The following TBCEL variants were observed in gnomAD, a reference collection of about 807,000 sequenced individuals.
The protein encoded by TBCEL is tubulin-specific chaperone cofactor E-like protein.
TBCEL carries 15 observed loss-of-function variants against 44.2 expected under a neutral mutation model. The observed-to-expected ratio is 0.34, with a 90% CI of 0.23 to 0.52. The LOEUF (loss-of-function observed/expected upper bound fraction) is 0.52. Ranked by LOEUF, TBCEL falls within the 20% of genes least tolerant of loss-of-function variation. TBCEL has a pLI of 0.95. For missense variants in TBCEL, 319 were observed against 506.3 expected (o/e 0.63, Z 3.55); for synonymous variants, 171 against 185.4 (o/e 0.92, Z 0.63).
chr11:121,077,224 A>G (rs917905262), intron 8 of TBCEL, among the ~76,000 whole-genome samples: 2 of 145,418 alleles, frequency 1.4e-5, no homozygotes, highest in African/African-American at 2.5e-5. Flanking sequence ...TTCTTCTAAG[A>G]TATTTTGTAG....
chr11:121,082,456 A>G (rs1946142878), intron 8 of TBCEL, among the ~76,000 whole-genome samples: 1 of 152,214 alleles, frequency 6.6e-6, no homozygotes, highest in African/African-American at 2.4e-5. Context: ...CTGTTTTTGA[A>G]GGCTCATATG....
At position 121,059,180 on chromosome 11, in the gene TBCEL, T is replaced by A. The variant is rs115968592; in HGVS notation, c.839+709T>A. Reference sequence around the variant, plus strand: ...AGTGGTTCTTTAAACAGGTTGTTGATCTTTGTGACAATCTAATGCTTAGCA... The same window carrying A: ...AGTGGTTCTTTAAACAGGTTGTTGAACTTTGTGACAATCTAATGCTTAGCA... On this transcript the variant is annotated intron_variant, in intron 7 of 8. Coordinates refer to ENST00000683345, the MANE Select transcript of TBCEL (RefSeq NM_001363644.2). 5.2e-3 allele frequency among the ~76,000 whole-genome samples: 788 copies of A among 152,108 alleles called. 5 individuals are homozygous for A. Among genetic ancestry groups the A allele is most frequent in the African/African-American group, 0.017 (724 of 41,540 alleles).
At chr11:121,031,403 G>C (rs1311146585) in intron 1 of TBCEL, among the ~76,000 whole-genome samples, 1 of 152,106 alleles carries the variant, frequency 6.6e-6, no homozygotes, top group African/African-American at 2.4e-5. Context: ...GTATCTCATT[G>C]AGATTTTAAT....
intron 8 of TBCEL, among the ~76,000 whole-genome samples, chr11:121,071,144 G>A (rs995481411): frequency 6.6e-6 from 1 of 152,106 alleles, no homozygotes; most frequent in Non-Finnish European, 1.5e-5. Flanking sequence ...CCTTGCCCTT[G>A]ATCAGATGTC....
intron 1 of TBCEL, among the ~76,000 whole-genome samples, chr11:121,031,051 T>C (rs1251741927): frequency 6.6e-6 from 1 of 152,208 alleles, no homozygotes; most frequent in Non-Finnish European, 1.5e-5. Context: ...ATTTACCCAA[T>C]TGCCTGTTCT....
intron 8 of TBCEL, among the ~76,000 whole-genome samples, chr11:121,074,104 A>C (rs1042195505): frequency 2.7e-4 from 41 of 151,986 alleles, no homozygotes; most frequent in African/African-American, 8.9e-4. Context: ...TAACTGTTTC[A>C]TTCAGATTTA....
At chr11:121,048,326 TA>T (rs1211377610) in intron 4 of TBCEL, among the ~76,000 whole-genome samples, 13 of 151,966 alleles carry the variant, frequency 8.6e-5, no homozygotes, top group Non-Finnish European at 1.8e-4. Flanking sequence ...TGGTTTGACA[TA>T]ACTGATGTCT....
intron 1 of TBCEL, among the ~76,000 whole-genome samples, chr11:121,027,186 T>G (rs147811065): frequency 6.6e-6 from 1 of 152,320 alleles, no homozygotes; most frequent in Admixed American, 6.5e-5. Context: ...GTATAAGAAG[T>G]AATGTGAAAC....
chr11:121,079,017 G>A (rs1195802489), intron 8 of TBCEL, among the ~76,000 whole-genome samples: 1 of 152,108 alleles, frequency 6.6e-6, no homozygotes, highest in East Asian at 1.9e-4. Context: ...TCCATTACTA[G>A]ATGATTTTTG....
intron 8 of TBCEL, 34 bp from the exon 9 acceptor site, chr11:121,086,744 T>C (rs1437960960): frequency 6.5e-7 from 1 of 1,533,052 alleles, no homozygotes; most frequent in Non-Finnish European, 8.9e-7. Flanking sequence ...GTGCTAGTAG[T>C]TTAAGCTGAC....
intron 2 of TBCEL, among the ~76,000 whole-genome samples, chr11:121,039,740 A>G (rs1416106470): frequency 1.3e-5 from 2 of 152,224 alleles, no homozygotes; most frequent in Non-Finnish European, 2.9e-5. Context: ...ACCCAAGTGG[A>G]TAGCAAATCA....
At chr11:121,059,634 AT>A (rs1293522346) in intron 7 of TBCEL, among the ~76,000 whole-genome samples, 1 of 151,952 alleles carries the variant, frequency 6.6e-6, no homozygotes, top group African/African-American at 2.4e-5. Flanking sequence ...CATGTGTTTA[AT>A]TTTTATTTTT....
chr11:121,047,450 G>T, intron 3 of TBCEL, 78 bp from the exon 4 acceptor site: 2 of 1,542,810 alleles, frequency 1.3e-6, no homozygotes, highest in South Asian at 2.4e-5. Flanking sequence ...TTTGTTTCTT[G>T]ACACTTCCTG....
chr11:121,084,931 CT>C (rs1439942859), intron 8 of TBCEL, among the ~76,000 whole-genome samples: 10 of 151,686 alleles, frequency 6.6e-5, no homozygotes, highest in African/African-American at 1.2e-4. Context: ...GTTTGTTTTG[CT>C]TTGTTTTGTT....
At chr11:121,028,604 AATAC>A in intron 1 of TBCEL, among the ~76,000 whole-genome samples, 1 of 152,216 alleles carries the variant, frequency 6.6e-6, no homozygotes, top group Non-Finnish European at 1.5e-5. Flanking sequence ...TAAGTGAGAT[AATAC>A]ATATAAAACA....
intron 8 of TBCEL, among the ~76,000 whole-genome samples, chr11:121,085,132 G>A (rs1425037394): frequency 6.6e-6 from 1 of 151,894 alleles, no homozygotes; most frequent in Admixed American, 6.6e-5. Context: ...TCCACCTCCC[G>A]GGTTCAAGCG....
chr11:121,055,428 T>C, intron 6 of TBCEL, 120 bp downstream of exon 6: 3 of 1,084,054 alleles, frequency 2.8e-6, no homozygotes, highest in Non-Finnish European at 3.7e-6. Context: ...ATTTTCTATA[T>C]GACATGCAGA....
At chr11:121,042,851 TA>T (rs901906352) in intron 2 of TBCEL, among the ~76,000 whole-genome samples, 8 of 152,244 alleles carry the variant, frequency 5.3e-5, no homozygotes, top group Admixed American at 3.3e-4. Flanking sequence ...AGACCATACA[TA>T]AGTGAGAAAA....
chr11:121,041,226 G>A (rs1021577952), intron 2 of TBCEL, among the ~76,000 whole-genome samples: 13 of 152,076 alleles, frequency 8.5e-5, no homozygotes, highest in Admixed American at 6.6e-5. Context: ...GACCTAACCC[G>A]TTTATTGGGA....
Sources: allele counts gnomAD v4.1 joint callset (sites outside exome capture counted in the v4.1 genomes callset), GRCh38; gene constraint gnomAD v4.1.1; transcripts MANE v1.5; gene names NCBI Gene and HGNC (gene_info 2026-07-23, HGNC 2026-07-21).